The following TTC7A variants were observed in gnomAD, a reference collection of about 807,000 sequenced individuals.
TTC7A encodes the protein tetratricopeptide repeat domain 7A, also known as tetratricopeptide repeat protein 7A.
Under a neutral mutation model 103.7 loss-of-function variants are expected in TTC7A, and 110 were observed. The ratio of observed to expected loss-of-function variants is 1.06; its 90% CI spans 0.91 to 1.24. The LOEUF (loss-of-function observed/expected upper bound fraction) is 1.24, where lower values mean the gene tolerates loss of function less well. Ranked by LOEUF, TTC7A falls within the 50% of genes most tolerant of loss-of-function variation. The pLI is 0.00. For synonymous variants in TTC7A, 521 were observed against 467.9 expected (o/e 1.11, Z -1.47); for missense variants, 1,340 against 1,116.3 (o/e 1.20, Z -2.86).
At chr2:46,949,349 C>T (rs1671208455) in intron 1 of TTC7A, among the ~76,000 whole-genome samples, 1 of 152,222 alleles carries the variant, frequency 6.6e-6, no homozygotes, top group Non-Finnish European at 1.5e-5. Flanking sequence ...AGTTCTGCCT[C>T]AGCTTCCCGA....
At position 47,012,075 on chromosome 2, in the gene TTC7A, T is replaced by A. The variant is rs538132561; in HGVS notation, c.1392+640T>A. 3.9e-5 allele frequency among the ~76,000 whole-genome samples: 6 copies of A among 152,040 alleles called. No individual in the cohort carries two copies. The South Asian group carries it at 1.0e-3, about 26-fold the overall frequency. ...CTCCCATGAGATCAGCAGCTTGGAG[T>A]AGTGAAGGAGAACAGTGCCAGGAGC... On this transcript the variant is annotated intron_variant, in intron 11 of 19. Coordinates refer to ENST00000319190, the MANE Select transcript of TTC7A (RefSeq NM_020458.4).
chr2:47,018,441 C>T (rs937480704), intron 11 of TTC7A, among the ~76,000 whole-genome samples: 3 of 151,562 alleles, frequency 2.0e-5, no homozygotes, highest in East Asian at 1.9e-4. Flanking sequence ...AAAAATTAAC[C>T]AGTGTGGTGG....
In TTC7A at chr2:47,052,072, G is replaced by A. The variant is rs541089360; in HGVS notation, c.2152+192G>A. 3.9e-5 allele frequency among the ~76,000 whole-genome samples: 6 copies of A among 152,330 alleles called. No individual in the cohort carries two copies. In the East Asian group the frequency reaches 1.2e-3, roughly 29 times the overall value. On this transcript the variant is annotated intron_variant, in intron 18 of 19. Coordinates refer to ENST00000319190, the MANE Select transcript of TTC7A (RefSeq NM_020458.4). ...GAGATGGTGTCTGCCTTCCTGCCTG[G>A]GAGAGCTTCTCTGGCAGCAAGCCCA... is the stretch of plus-strand genomic sequence containing the variant.
chr2:47,051,134 C>A (rs941730211), intron 17 of TTC7A, among the ~76,000 whole-genome samples: 2 of 152,180 alleles, frequency 1.3e-5, no homozygotes, highest in African/African-American at 4.8e-5. Context: ...TTTCTACAAA[C>A]AAATGAGAAT....
At chr2:46,939,547 C>T (rs536655073), upstream of TTC7A, among the ~76,000 whole-genome samples, 1 of 152,226 alleles carries the variant, frequency 6.6e-6, no homozygotes, top group Non-Finnish European at 1.5e-5. Flanking sequence ...GTGATTCCCT[C>T]TACAGTTAGT....
intron 3 of TTC7A, among the ~76,000 whole-genome samples, chr2:46,960,653 A>G (rs1672291262): frequency 6.6e-6 from 1 of 152,206 alleles, no homozygotes. Flanking sequence ...TTTAATAAAT[A>G]TTTGTTGACT....
At chr2:47,068,487 C>A (rs1684370529) in intron 19 of TTC7A, 1 of 152,034 alleles carries the variant, frequency 6.6e-6, no homozygotes. Context: ...GGCTCTGTGA[C>A]CTCTGATGAG....
At chr2:46,992,903 G>T (rs1015911658) in intron 5 of TTC7A, among the ~76,000 whole-genome samples, 3 of 152,228 alleles carry the variant, frequency 2.0e-5, no homozygotes, top group African/African-American at 7.2e-5. Flanking sequence ...AGATGTATTT[G>T]TCACTATGGC....
intron 5 of TTC7A, among the ~76,000 whole-genome samples, chr2:46,990,435 G>A (rs965666836): frequency 5.9e-5 from 9 of 152,328 alleles, no homozygotes; most frequent in African/African-American, 2.2e-4. Context: ...GGGGCAGAGG[G>A]CTGGTAGGCG....
chr2:47,011,441 T>C lies in TTC7A; in HGVS notation c.1392+6T>C. On this transcript the variant is annotated splice_donor_region_variant and intron_variant, in intron 11 of 19. Coordinates refer to ENST00000319190, the MANE Select transcript of TTC7A (RefSeq NM_020458.4). ...GCATCGGGTCCCTTCGCTGGGTGAG[T>C]GAGCTGTGAGGGCAGGTCCCAGAGG... 1 of 1,601,184 alleles carries C rather than the reference T, an allele frequency of 6.2e-7. No individual in the cohort carries two copies. Among genetic ancestry groups the C allele is most frequent in the Non-Finnish European group, 8.5e-7 (1 of 1,178,024 alleles).
intron 5 of TTC7A, among the ~76,000 whole-genome samples, chr2:46,990,240 G>A (rs1381918436): frequency 6.6e-6 from 1 of 152,214 alleles, no homozygotes; most frequent in Non-Finnish European, 1.5e-5. Flanking sequence ...TCTTTTTCCT[G>A]TCTTCTGGTG....
chr2:47,054,137 G>C, intron 18 of TTC7A: 9 of 985,446 alleles, frequency 9.1e-6, no homozygotes, highest in Non-Finnish European at 9.6e-6. Flanking sequence ...TGAATGCTTT[G>C]AATGTGGCGC....
In TTC7A at chr2:46,975,074, G is replaced by A. The variant is rs754942124; in HGVS notation, c.619G>A (p.Ala207Thr). The A allele has an allele frequency of 2.2e-5, 35 of 1,613,638 alleles. No individual in the cohort carries two copies. The highest frequency in any genetic ancestry group is 2.0e-4 in the African/African-American group (15 of 74,920). ...CTGTTTTGAGAGGGCCTCCTGGATC[G>A]CTCAGGTGTTCCTGCAGGAATTGGA... is the stretch of plus-strand genomic sequence containing the variant. ...ITCFERASWI[A>T]QVFLQELEKT... Residue 207 changes from alanine to threonine, a missense_variant, in exon 4 of 20, where the codon GCT (alanine) becomes ACT (threonine). By Grantham distance (58) the Ala-to-Thr change is moderately conservative. Coordinates refer to ENST00000319190, the MANE Select transcript of TTC7A (RefSeq NM_020458.4).
At chr2:47,049,187 C>G (rs938378338) in intron 16 of TTC7A, among the ~76,000 whole-genome samples, 5 of 152,202 alleles carry the variant, frequency 3.3e-5, no homozygotes, top group African/African-American at 4.8e-5. Flanking sequence ...TGCTTCTATT[C>G]TCTAAGTTTC....
intron 3 of TTC7A, among the ~76,000 whole-genome samples, chr2:46,962,751 C>G (rs1558513263): frequency 6.6e-6 from 1 of 152,210 alleles, no homozygotes; most frequent in Non-Finnish European, 1.5e-5. Flanking sequence ...GGCCTTTTGG[C>G]CACCAGAAAA....
chr2:47,031,258 C>T (rs1680513625), intron 15 of TTC7A, among the ~76,000 whole-genome samples: 1 of 152,174 alleles, frequency 6.6e-6, no homozygotes, highest in Non-Finnish European at 1.5e-5. Context: ...GGATTAGTTG[C>T]CTTGTCTTGT....
At chr2:47,021,584 T>C (rs1399194048) in intron 11 of TTC7A, among the ~76,000 whole-genome samples, 2 of 152,174 alleles carry the variant, frequency 1.3e-5, no homozygotes, top group South Asian at 2.1e-4. Context: ...CTGGCTTTCC[T>C]CTATGTGCCG....
chr2:46,995,317 C>T, intron 8 of TTC7A, 118 bp downstream of exon 8: 1 of 983,650 alleles, frequency 1.0e-6, no homozygotes, highest in South Asian at 1.4e-5. Context: ...AGGGATACTC[C>T]TAAAGTAGAT....
intron 11 of TTC7A, among the ~76,000 whole-genome samples, chr2:47,012,432 TC>T (rs1254882681): frequency 2.0e-5 from 3 of 152,146 alleles, no homozygotes; most frequent in Non-Finnish European, 1.5e-5. Context: ...AGTGGGCACT[TC>T]CCCTGGAGAT....
Sources: allele counts gnomAD v4.1 joint callset (sites outside exome capture counted in the v4.1 genomes callset), GRCh38; gene constraint gnomAD v4.1.1; transcripts MANE v1.5; gene names NCBI Gene and HGNC (gene_info 2026-07-23, HGNC 2026-07-21).